The following ARSB variants were observed in gnomAD, a reference collection of about 807,000 sequenced individuals.
ARSB encodes the protein arylsulfatase B, also known as N-acetylgalactosamine-4-sulfatase.
In ARSB, 41 loss-of-function variants were observed where a neutral mutation model predicts 50.9. That is an observed-to-expected ratio of 0.81 (90% confidence interval 0.63 to 1.04). The LOEUF is 1.04. ARSB is among the 50% of genes least tolerant of loss of function. The probability of loss-of-function intolerance (pLI) is 0.00; values close to 1 mark genes in which losing one functional copy is unlikely to be tolerated. For missense variants in ARSB, 672 were observed against 693.3 expected, an observed-to-expected ratio of 0.97 and a Z score of 0.35; for synonymous variants, 269 against 284.8, an observed-to-expected ratio of 0.94 and a Z score of 0.56.
Position 78,885,735 on chromosome 5 carries a change from A to G in ARSB, c.991T>C (p.Phe331Leu), listed in dbSNP as rs778955872. The change falls in exon 5 of 8, where the codon TTT becomes CTT. Residue 331 changes from phenylalanine (F) to leucine (L), a missense_variant. Physicochemically the swap from Phe to Leu is conservative, Grantham distance 22. Coordinates refer to ENST00000264914, the MANE Select transcript of ARSB (RefSeq NM_000046.5). ...TGCTTCAGCAAGGGGCTTGCCACAAAGCCCACCCCTCGGACGCCTCCTTCC... is the reference window on the plus strand; with the variant it reads ...TGCTTCAGCAAGGGGCTTGCCACAAGGCCCACCCCTCGGACGCCTCCTTCC... ...LWEGGVRGVG[F>L]VASPLLKQKG... 1.9e-6 allele frequency: 3 copies of G among 1,614,124 alleles called. No individual in the cohort carries two copies. The highest frequency in any genetic ancestry group is 2.5e-6 in the Non-Finnish European group (3 of 1,180,018).
At chr5:78,855,690 A>T (rs760632670) in intron 5 of ARSB, among the ~76,000 whole-genome samples, 1 of 152,166 alleles carries the variant, frequency 6.6e-6, no homozygotes, top group Non-Finnish European at 1.5e-5. Flanking sequence ...GACTTCAGGC[A>T]GCTCCCTCAG....
At chr5:78,892,988 C>A (rs958516035) in intron 4 of ARSB, among the ~76,000 whole-genome samples, 2 of 152,156 alleles carry the variant, frequency 1.3e-5, no homozygotes, top group South Asian at 2.1e-4. Context: ...CTACCCAAAT[C>A]TCATCTTGAA....
intron 4 of ARSB, among the ~76,000 whole-genome samples, chr5:78,928,805 C>T (rs1750182456): frequency 6.6e-6 from 1 of 152,182 alleles, no homozygotes; most frequent in Non-Finnish European, 1.5e-5. Flanking sequence ...AAATTATTAA[C>T]CAGATAAATT....
chr5:78,933,520 G>A (rs945949520), intron 4 of ARSB, among the ~76,000 whole-genome samples: 3 of 152,152 alleles, frequency 2.0e-5, no homozygotes, highest in Non-Finnish European at 2.9e-5. Flanking sequence ...GGTCAATGGC[G>A]ATAGAGTCGC....
chr5:78,942,037 C>A (rs1451896503), intron 4 of ARSB, among the ~76,000 whole-genome samples: 2 of 152,176 alleles, frequency 1.3e-5, no homozygotes, highest in Non-Finnish European at 2.9e-5. Flanking sequence ...AGTAATTTAT[C>A]CGTTTCTTCT....
At chr5:78,945,137 T>C (rs1751157346) in intron 4 of ARSB, among the ~76,000 whole-genome samples, 1 of 152,176 alleles carries the variant, frequency 6.6e-6, no homozygotes, top group African/African-American at 2.4e-5. Flanking sequence ...AAGCGCAGTA[T>C]TAGGGTGGGA....
intron 5 of ARSB, among the ~76,000 whole-genome samples, chr5:78,842,780 CT>C (rs5868940): frequency 5.2e-4 from 73 of 141,558 alleles, no homozygotes; most frequent in East Asian, 6.1e-4. Flanking sequence ...GTTTTTTTCC[CT>C]TTTTTTTTTT....
At chr5:78,926,044 G>A (rs1750031185) in intron 4 of ARSB, among the ~76,000 whole-genome samples, 1 of 152,042 alleles carries the variant, frequency 6.6e-6, no homozygotes, top group Admixed American at 6.5e-5. Context: ...TTAGCCTTGA[G>A]AATATATTTG....
intron 4 of ARSB, among the ~76,000 whole-genome samples, chr5:78,928,641 G>C (rs1028207648): frequency 4.6e-5 from 7 of 152,070 alleles, no homozygotes; most frequent in Non-Finnish European, 8.8e-5. Flanking sequence ...GTGAATGAAG[G>C]AATAAAGTTG....
At chr5:78,938,195 T>C (rs1254066943) in intron 4 of ARSB, among the ~76,000 whole-genome samples, 2 of 152,228 alleles carry the variant, frequency 1.3e-5, no homozygotes, top group Non-Finnish European at 2.9e-5. Flanking sequence ...CTGGAACCTC[T>C]GCTTTGTAAC....
At chr5:78,856,920 T>C (rs1031834387) in intron 5 of ARSB, among the ~76,000 whole-genome samples, 1 of 152,166 alleles carries the variant, frequency 6.6e-6, no homozygotes, top group Non-Finnish European at 1.5e-5. Flanking sequence ...CCTTTCAGGG[T>C]GTGCATCCCA....
intron 6 of ARSB, among the ~76,000 whole-genome samples, chr5:78,794,756 A>G (rs994112890): frequency 6.6e-6 from 1 of 152,164 alleles, no homozygotes; most frequent in South Asian, 2.1e-4. Context: ...GGTGAGAGGG[A>G]TAGAGTGAAG....
intron 6 of ARSB, among the ~76,000 whole-genome samples, chr5:78,811,569 C>T (rs561414810): frequency 3.6e-4 from 55 of 152,296 alleles, no homozygotes; most frequent in African/African-American, 1.3e-3. Flanking sequence ...TGACTAGGGA[C>T]GTTTGTTTCA....
chr5:78,937,321 AAG>A (rs1421735413), intron 4 of ARSB, among the ~76,000 whole-genome samples: 1 of 81,516 alleles, frequency 1.2e-5, no homozygotes, highest in African/African-American at 5.3e-5. Context: ...ATATATATGT[AAG>A]ATATATATAT....
At chr5:78,888,652 T>C (rs1371098665) in intron 4 of ARSB, among the ~76,000 whole-genome samples, 2 of 151,836 alleles carry the variant, frequency 1.3e-5, no homozygotes, top group African/African-American at 4.8e-5. Flanking sequence ...GAAATAAGAG[T>C]GGAGATGATG....
intron 5 of ARSB, among the ~76,000 whole-genome samples, chr5:78,875,198 A>T (rs1378354897): frequency 8.5e-5 from 13 of 152,166 alleles, no homozygotes. Flanking sequence ...AATAAACTAG[A>T]AATCAATAAT....
chr5:78,820,769 C>G (rs957655859), intron 6 of ARSB, among the ~76,000 whole-genome samples: 2 of 152,114 alleles, frequency 1.3e-5, no homozygotes, highest in Admixed American at 1.3e-4. Flanking sequence ...CTTCTACCTA[C>G]TAGATGCCAA....
intron 6 of ARSB, among the ~76,000 whole-genome samples, chr5:78,833,824 G>C (rs1206352090): frequency 1.3e-5 from 2 of 152,216 alleles, no homozygotes; most frequent in Admixed American, 1.3e-4. Flanking sequence ...TTTTCTGGCC[G>C]ATCTTTTCAA....
At chr5:78,845,880 G>A (rs1447587748) in intron 5 of ARSB, among the ~76,000 whole-genome samples, 2 of 152,030 alleles carry the variant, frequency 1.3e-5, no homozygotes, top group Non-Finnish European at 1.5e-5. Context: ...GGAGATTTTA[G>A]CTTGATATAA....
Sources: allele counts gnomAD v4.1 joint callset (sites outside exome capture counted in the v4.1 genomes callset), GRCh38; gene constraint gnomAD v4.1.1; transcripts MANE v1.5; gene names NCBI Gene and HGNC (gene_info 2026-07-23, HGNC 2026-07-21).